MIA2: variants seen among roughly 807,000 people sequenced by gnomAD.
MIA2 encodes MIA SH3 domain ER export factor 2.
Under a neutral mutation model 167.8 loss-of-function variants are expected in MIA2, and 127 were observed. The observed-to-expected ratio is 0.76, with a 90% confidence interval of 0.66 to 0.88. The LOEUF is 0.88. Among genes scored for constraint, MIA2 ranks in the 40% least tolerant of loss-of-function variants. The probability of loss-of-function intolerance (pLI) is 0.00; values close to 1 mark genes in which losing one functional copy is unlikely to be tolerated. For missense variants in MIA2, 1,690 were observed against 1,624.7 expected, an observed-to-expected ratio of 1.04 and a Z score of -0.69; for synonymous variants, 552 against 541.9, an observed-to-expected ratio of 1.02 and a Z score of -0.26.
intron 28 of MIA2, 45 bp from the exon 29 acceptor site, chr14:39,350,053 G>T (rs774316051): frequency 4.0e-6 from 3 of 755,812 alleles, no homozygotes; most frequent in Non-Finnish European, 6.6e-6. Flanking sequence ...GCACAGTACA[G>T]GTTCTTAAAG....
chr14:39,277,398 C>T (rs772301364), intron 7 of MIA2, among the ~76,000 whole-genome samples: 12 of 151,386 alleles, frequency 7.9e-5, no homozygotes, highest in East Asian at 2.0e-4. Context: ...TGAGGACACC[C>T]GTCTGTGGTC....
At chr14:39,258,563 C>T (rs1466772918) in intron 6 of MIA2, among the ~76,000 whole-genome samples, 1 of 152,122 alleles carries the variant, frequency 6.6e-6, no homozygotes, top group Non-Finnish European at 1.5e-5. Context: ...TGTTATTACC[C>T]ACCTTCTGAA....
intron 9 of MIA2, among the ~76,000 whole-genome samples, chr14:39,288,635 G>A (rs900282881): frequency 6.6e-6 from 1 of 150,778 alleles, no homozygotes; most frequent in Non-Finnish European, 1.5e-5. Context: ...GCTAATTTTT[G>A]TATTTTTAGT....
chr14:39,268,204 G>T (rs2056375331), intron 6 of MIA2, among the ~76,000 whole-genome samples: 2 of 152,072 alleles, frequency 1.3e-5, no homozygotes, highest in African/African-American at 4.8e-5. Context: ...GGGCATTTAT[G>T]TCGCCGTGTT....
chr14:39,322,475 A>C (rs575864421), intron 24 of MIA2, among the ~76,000 whole-genome samples: 175 of 149,678 alleles, frequency 1.2e-3, no homozygotes, highest in African/African-American at 3.9e-3. Flanking sequence ...CGGGGGACGG[A>C]GATTGCAGTG....
intron 10 of MIA2, chr14:39,292,749 A>G (rs1299561224): frequency 4.8e-6 from 1 of 206,730 alleles, no homozygotes; most frequent in Non-Finnish European, 1.0e-5. Context: ...GAATAATCCA[A>G]TAACTAATCA....
In MIA2 at chr14:39,272,082, G is replaced by C. The variant is rs139926117; in HGVS notation, c.1888-4852G>C. Among the ~76,000 whole-genome samples the C allele has an allele frequency of 6.9e-3, 1,042 of 151,842 alleles. 12 individuals are homozygous for C. Among genetic ancestry groups the C allele is most frequent in the South Asian group, 0.056 (267 of 4,806 alleles). On this transcript the variant is annotated intron_variant, in intron 6 of 28. Coordinates refer to ENST00000640607, the MANE Select transcript of MIA2 (RefSeq NM_001329214.4). Reference sequence around the variant, plus strand: ...GACAACTAATTAGGAGGCCGGGTGCGGTGGCTCATGCCTGTAATCCCAGCA... The same window carrying C: ...GACAACTAATTAGGAGGCCGGGTGCCGTGGCTCATGCCTGTAATCCCAGCA...
chr14:39,348,729 T>C lies in MIA2; in HGVS notation c.3838-14T>C, dbSNP rs754082185. 7 of 1,613,350 alleles carry C rather than the reference T, an allele frequency of 4.3e-6. No homozygotes were observed. In the African/African-American group the frequency reaches 9.3e-5, roughly 22 times the overall value. On this transcript the variant is annotated splice_polypyrimidine_tract_variant and intron_variant, in intron 27 of 28. Coordinates refer to ENST00000640607, the MANE Select transcript of MIA2 (RefSeq NM_001329214.4). ...TTACTGTTTTAGTGACTGCCATATG[T>C]CAATTTGTTGTAGAATTTAAATGTG...
chr14:39,278,852 T>C (rs1279819159), intron 7 of MIA2, among the ~76,000 whole-genome samples: 1 of 152,164 alleles, frequency 6.6e-6, no homozygotes, highest in Admixed American at 6.6e-5. Context: ...GAATCTTCAA[T>C]AGGGAGTCTT....
intron 9 of MIA2, among the ~76,000 whole-genome samples, chr14:39,283,622 G>A (rs1251952510): frequency 7.2e-5 from 11 of 152,126 alleles, no homozygotes; most frequent in Admixed American, 7.2e-4. Flanking sequence ...CTGGGGGTTT[G>A]TTGTAGAGGG....
At chr14:39,288,735 A>G (rs1329207070) in intron 9 of MIA2, among the ~76,000 whole-genome samples, 1 of 151,796 alleles carries the variant, frequency 6.6e-6, no homozygotes, top group East Asian at 1.9e-4. Context: ...TGCTGGGATT[A>G]CATGCGTGAG....
At chr14:39,302,347 A>G in intron 15 of MIA2, 98 bp downstream of exon 15, 1 of 1,357,562 alleles carries the variant, frequency 7.4e-7, no homozygotes, top group Non-Finnish European at 1.0e-6. Flanking sequence ...ATATGCTTTT[A>G]CTTTGGCACA....
At chr14:39,354,983 G>A (rs1360663469), downstream of MIA2, among the ~76,000 whole-genome samples, 2 of 152,112 alleles carry the variant, frequency 1.3e-5, no homozygotes, top group African/African-American at 4.8e-5. Flanking sequence ...ATAGTTTGAA[G>A]TCAGGTAGCG....
rs1390908688 is a variant in MIA2 at position 39,277,022 on chromosome 14, G to A, written c.1976G>A (p.Gly659Glu). 1.2e-6 allele frequency: 2 copies of A among 1,613,682 alleles called. No homozygotes were observed. The highest frequency in any genetic ancestry group is 1.7e-5 in the Admixed American group (1 of 59,988). ...TTGGTGATATGTGCAGCTGTTGTTG[G>A]ATTTTTTGCTGTTCTCTTTTTTTTG... ...WELVICAAVV[G>E]FFAVLFFLWR... Residue 659 changes from glycine to glutamate, a missense_variant, in exon 7 of 29, where the codon GGA becomes GAA. Physicochemically the swap from Gly to Glu is moderately conservative, Grantham distance 98. Transcript: ENST00000640607.
intron 6 of MIA2, chr14:39,266,121 T>A: frequency 1.0e-6 from 1 of 985,412 alleles, no homozygotes; most frequent in Non-Finnish European, 1.2e-6. Flanking sequence ...TCCTAAGGAT[T>A]TAAGATTTTG....
chr14:39,265,459 G>A, intron 6 of MIA2: 2 of 1,553,606 alleles, frequency 1.3e-6, no homozygotes, highest in Non-Finnish European at 1.8e-6. Context: ...AAACAAATGA[G>A]GTTTGGAATT....
intron 23 of MIA2, among the ~76,000 whole-genome samples, chr14:39,369,138 A>G (rs1286867617): frequency 6.6e-6 from 1 of 152,188 alleles, no homozygotes; most frequent in African/African-American, 2.4e-5. Flanking sequence ...GTGAGAATTC[A>G]GACTGGGAGA....
chr14:39,266,231 A>G lies in MIA2; in HGVS notation c.1888-10703A>G, dbSNP rs950486135. 37 of 985,442 alleles carry G rather than the reference A, an allele frequency of 3.8e-5. No individual in the cohort carries two copies. The African/African-American group carries it at 6.1e-4, about 16-fold the overall frequency. 61.0% of individuals were successfully genotyped at this position (985,442 alleles called of 1,614,324 possible). ...TACTTGAGTGAGAAGGCAGAATATA[A>G]TGAGAATGATCATGCTGGCAAGGAA... On this transcript the variant is annotated intron_variant, in intron 6 of 28. Coordinates refer to ENST00000640607, the MANE Select transcript of MIA2 (RefSeq NM_001329214.4).
chr14:39,356,468 T>C (rs2074528118), intron 23 of MIA2, among the ~76,000 whole-genome samples: 1 of 152,140 alleles, frequency 6.6e-6, no homozygotes, highest in Non-Finnish European at 1.5e-5. Flanking sequence ...GTCTTGCTAG[T>C]GGTCTATCAG....
Sources: gnomAD v4.1 joint callset for allele counts (sites outside exome capture counted in the v4.1 genomes callset) on GRCh38, gnomAD v4.1.1 for gene constraint, MANE v1.5 for transcripts, NCBI Gene and HGNC (gene_info 2026-07-23, HGNC 2026-07-21) for gene names.